HGFAC: variants seen among roughly 807,000 people sequenced by gnomAD.
HGFAC encodes hepatocyte growth factor activator serine protease.
Under a neutral mutation model 70.6 loss-of-function variants are expected in HGFAC, and 76 were observed. The ratio of observed to expected loss-of-function variants is 1.08; its 90% confidence interval spans 0.89 to 1.30. The LOEUF (loss-of-function observed/expected upper bound fraction) is 1.30, where lower values mean the gene tolerates loss of function less well. Among genes scored for constraint, HGFAC ranks in the 50% most tolerant of loss-of-function variants. The pLI, the probability that HGFAC is intolerant of heterozygous loss-of-function variation, is 0.00. For synonymous variants in HGFAC, 464 were observed against 405.3 expected (o/e 1.14, Z -1.74); for missense variants, 1,044 against 933.7 (o/e 1.12, Z -1.54).
chr4:3,449,213 G>T (rs1725642298), intron 13 of HGFAC, 24 bp from the exon 14 acceptor site: 1 of 1,602,244 alleles, frequency 6.2e-7, no homozygotes, highest in Non-Finnish European at 8.5e-7. Context: ...TGGGAGGGTG[G>T]CTCTGACCAA....
At position 3,442,903 on chromosome 4, in the gene HGFAC, C is replaced by A; in HGVS notation, c.289C>A (p.Gln97Lys). Residue 97 changes from glutamine to lysine, a missense_variant, in exon 2 of 14, where the codon CAG (glutamine) becomes AAG (lysine). Physicochemically the swap from Gln to Lys is moderately conservative, Grantham distance 53. Coordinates refer to ENST00000382774, the MANE Select transcript of HGFAC (RefSeq NM_001528.4). The part of the protein sequence containing the change: ...PRAVPSSSSP[Q>K]AQALTEDGRP... ...GGCAGTTCCCTCGAGCAGTAGCCCC[C>A]AGGCCCAAGGTGGGTCAGGTGGGCC... The A allele has an allele frequency of 6.4e-7, 1 of 1,563,414 alleles. No homozygotes were observed. Among genetic ancestry groups the A allele is most frequent in the Admixed American group, 2.0e-5 (1 of 49,446 alleles).
chr4:3,445,657 G>GC, intron 9 of HGFAC: 1 of 605,620 alleles, frequency 1.7e-6, no homozygotes, highest in Non-Finnish European at 2.9e-6. Flanking sequence ...CAGCGTGCAG[G>GC]CCCCCCAGAG....
At chr4:3,445,382 C>T (rs1383567662) in intron 9 of HGFAC, 32 bp downstream of exon 9, 7 of 1,474,998 alleles carry the variant, frequency 4.7e-6, no homozygotes, top group Non-Finnish European at 6.5e-6. Context: ...CTGCCTTGGG[C>T]CCCACCGAGG....
At chr4:3,448,328 C>T (rs1220014637) in intron 13 of HGFAC, 52 bp downstream of exon 13, 1 of 1,570,236 alleles carries the variant, frequency 6.4e-7, no homozygotes, top group South Asian at 1.2e-5. Flanking sequence ...CTCAGCTGGT[C>T]CTGAGTCTCC....
rs774768814 is a variant in HGFAC, at chr4:3,443,162, C to G, written c.395+16C>G. 6.7e-7 allele frequency: 1 copy of G among 1,495,392 alleles called. No homozygotes were observed. The highest frequency in any genetic ancestry group is 8.9e-7 in the Non-Finnish European group (1 of 1,119,444). 92.6% of individuals were successfully genotyped at this position (1,495,392 alleles called of 1,614,324 possible). On this transcript the variant is annotated intron_variant, in intron 3 of 13. Coordinates refer to ENST00000382774, the MANE Select transcript of HGFAC (RefSeq NM_001528.4). ...ACAGGAAGTGGTGGGTCCGGGCAGC[C>G]GGGGCACCCGAGCTGGGGTCACCTG...
At chr4:3,442,654 C>A in intron 1 of HGFAC, 78 bp from the exon 2 acceptor site, 2 of 1,099,384 alleles carry the variant, frequency 1.8e-6, no homozygotes, top group South Asian at 2.5e-5. Context: ...GAAACAGGCT[C>A]AGGGCTGTGA....
rs753584248 is a variant in HGFAC, at chr4:3,443,116, G to A, written c.365G>A (p.Cys122Tyr). The A allele has an allele frequency of 1.3e-6, 2 of 1,586,276 alleles. No homozygotes were observed. Among genetic ancestry groups the A allele is most frequent in the Non-Finnish European group, 1.7e-6 (2 of 1,172,158 alleles). Residue 122 changes from cysteine (C) to tyrosine (Y), a missense_variant, in exon 3 of 14, where the codon TGC (cysteine) becomes TAC (tyrosine). Coordinates refer to ENST00000382774, the MANE Select transcript of HGFAC (RefSeq NM_001528.4). ...FRYGGRMLHA[C>Y]TSEGSAHRKW... ...TACGGGGGCCGCATGCTGCATGCCT[G>A]CACTTCGGAGGGCAGTGCACACAGG... is the stretch of plus-strand genomic sequence containing the variant.
chr4:3,443,899 C>T, intron 4 of HGFAC, 140 bp from the exon 5 acceptor site: 2 of 918,688 alleles, frequency 2.2e-6, no homozygotes, highest in Non-Finnish European at 3.2e-6. Flanking sequence ...GACCTTGCAC[C>T]CCGAGGGGCG....
chr4:3,445,297 A>G lies in HGFAC; in HGVS notation c.1049A>G (p.Tyr350Cys), dbSNP rs763770158. The change falls in exon 9 of 14, where the codon TAC becomes TGC. Residue 350 changes from tyrosine to cysteine, a missense_variant. Physicochemically the swap from Tyr to Cys is radical, Grantham distance 194. Coordinates refer to ENST00000382774, the MANE Select transcript of HGFAC (RefSeq NM_001528.4). ...NPDNDERPWC[Y>C]VVKDSALSWE... is the part of the protein sequence containing the mutation. ...GACAATGACGAGAGGCCCTGGTGCT[A>G]CGTGGTGAAGGACAGCGCGCTCTCC... The G allele has an allele frequency of 1.3e-6, 2 of 1,588,802 alleles. No individual in the cohort carries two copies. Among genetic ancestry groups the G allele is most frequent in the South Asian group, 1.1e-5 (1 of 86,972 alleles).
intron 3 of HGFAC, 93 bp from the exon 4 acceptor site, chr4:3,443,248 C>G: frequency 9.4e-7 from 1 of 1,065,494 alleles, no homozygotes; most frequent in Non-Finnish European, 1.3e-6. Flanking sequence ...ACGCAGCAGG[C>G]GGACCCAGTG....
At chr4:3,445,430 G>A (rs868125538) in intron 9 of HGFAC, 80 bp downstream of exon 9, 7 of 938,714 alleles carry the variant, frequency 7.5e-6, no homozygotes, top group Middle Eastern at 2.8e-4. Context: ...TAGCCCCTCC[G>A]CACACCTGGC....
rs751068836 is a variant in HGFAC, at chr4:3,442,899, C to A, written c.285C>A (p.Ser95Arg). The change falls in exon 2 of 14, where the codon AGC becomes AGA. Residue 95 changes from serine to arginine, a missense_variant. By Grantham distance (110) the Ser-to-Arg change is moderately radical. Coordinates refer to ENST00000382774, the MANE Select transcript of HGFAC (RefSeq NM_001528.4). ...PPPRAVPSSS[S>R]PQAQALTEDG... ...CCAGGGCAGTTCCCTCGAGCAGTAG[C>A]CCCCAGGCCCAAGGTGGGTCAGGTG... The A allele has an allele frequency of 4.5e-6, 7 of 1,560,464 alleles. No homozygotes were observed. The highest frequency in any genetic ancestry group is 6.1e-6 in the Non-Finnish European group (7 of 1,155,562).
At chr4:3,445,049 G>A (rs1214922198) in intron 8 of HGFAC, 56 bp downstream of exon 8, 4 of 1,482,042 alleles carry the variant, frequency 2.7e-6, no homozygotes, top group East Asian at 2.4e-5. Flanking sequence ...ATTTGTCCTG[G>A]GGAGAGGCCC....
Position 3,447,349 on chromosome 4 carries a change from A to C in HGFAC, c.1356-143A>C. 3 of 814,978 alleles carry C rather than the reference A, an allele frequency of 3.7e-6. No individual in the cohort carries two copies. The South Asian group carries it at 4.9e-5, about 13-fold the overall frequency. The allele number at this position is 814,978 out of a possible 1,614,324, so 50.5% of individuals were successfully genotyped here. ...CCTGTCTCCCCAGTATCAACAGCCC[A>C]CACCCAGGCACCTGCTCAGACCCCT... is the stretch of plus-strand genomic sequence containing the variant. On this transcript the variant is annotated intron_variant, in intron 10 of 13. Coordinates refer to ENST00000382774, the MANE Select transcript of HGFAC (RefSeq NM_001528.4).
At chr4:3,442,667 T>A in intron 1 of HGFAC, 65 bp from the exon 2 acceptor site, 1 of 1,227,108 alleles carries the variant, frequency 8.1e-7, no homozygotes, top group Non-Finnish European at 1.1e-6. Context: ...GGCTGTGACC[T>A]CCTGCCCGGC....
At position 3,449,369 on chromosome 4, in the gene HGFAC, T is replaced by G; in HGVS notation, c.1918T>G (p.Trp640Gly). ...CACCCGCGTGGCCAACTATGTGGAC[T>G]GGATCAACGACCGGATACGGCCTCC... ...VYTRVANYVD[W>G]INDRIRPPRR... is the part of the protein sequence containing the mutation. The change falls in exon 14 of 14, where the codon TGG (tryptophan) becomes GGG (glycine). Residue 640 changes from tryptophan to glycine, a missense_variant. Coordinates refer to ENST00000382774, the MANE Select transcript of HGFAC (RefSeq NM_001528.4). 1.2e-6 allele frequency: 2 copies of G among 1,601,796 alleles called. No individual in the cohort carries two copies. Among genetic ancestry groups the G allele is most frequent in the Non-Finnish European group, 1.7e-6 (2 of 1,172,798 alleles).
intron 9 of HGFAC, 84 bp from the exon 10 acceptor site, chr4:3,445,958 G>A (rs538129533): frequency 1.0e-5 from 16 of 1,569,976 alleles, no homozygotes; most frequent in Admixed American, 3.7e-5. Context: ...CCTCTGCAGC[G>A]CCTCCTGCCG....
rs748995859 is a variant in HGFAC at position 3,444,885 on chromosome 4, C to T, written c.908C>T (p.Ser303Leu). Residue 303 changes from serine (S) to leucine (L), a missense_variant, in exon 8 of 14, where the codon TCG (serine) becomes TTG (leucine). Physicochemically the swap from Ser to Leu is moderately radical, Grantham distance 145 (BLOSUM62 -2). Transcript: ENST00000382774. ...CGTGGCGTGGCCAGCACCTCAGCCT[C>T]GGGCCTCAGCTGCCTGGCCTGGAAC... The part of the protein sequence containing the change: ...GYRGVASTSA[S>L]GLSCLAWNSD... The T allele has an allele frequency of 2.0e-5, 32 of 1,608,350 alleles. No individual in the cohort carries two copies. Among genetic ancestry groups the T allele is most frequent in the Non-Finnish European group, 2.3e-5 (27 of 1,178,290 alleles).
chr4:3,449,359 C>A lies in HGFAC; in HGVS notation c.1908C>A (p.Asn636Lys). The A allele has an allele frequency of 6.2e-7, 1 of 1,607,926 alleles. No individual in the cohort carries two copies. The highest frequency in any genetic ancestry group is 8.5e-7 in the Non-Finnish European group (1 of 1,176,872). Residue 636 changes from asparagine (N) to lysine (K), a missense_variant, in exon 14 of 14, where the codon AAC (asparagine) becomes AAA (lysine). Physicochemically the swap from Asn to Lys is moderately conservative, Grantham distance 94. Transcript: ENST00000382774. ...HKPGVYTRVA[N>K]YVDWINDRIR... The stretch of plus-strand genomic sequence containing the variant: ...CGGGGGTCTACACCCGCGTGGCCAA[C>A]TATGTGGACTGGATCAACGACCGGA...
Sources: allele counts gnomAD v4.1 joint callset, GRCh38; gene constraint gnomAD v4.1.1; transcripts MANE v1.5; gene names NCBI Gene and HGNC (gene_info 2026-07-23, HGNC 2026-07-21).